DPY30: variants seen among roughly 807,000 people sequenced by gnomAD.
DPY30 encodes the protein protein dpy-30 homolog.
A neutral mutation model predicts 16.2 loss-of-function variants in DPY30; 6 were observed. That is an observed-to-expected ratio of 0.37 (90% CI 0.20 to 0.73). The LOEUF is 0.73. DPY30 is among the 30% of genes least tolerant of loss of function. The probability of loss-of-function intolerance (pLI) is 0.51; values close to 1 mark genes in which losing one functional copy is unlikely to be tolerated. For synonymous variants in DPY30, 39 were observed against 38.8 expected, an observed-to-expected ratio of 1.00 and a Z score of -0.02; for missense variants, 73 against 113.1, an observed-to-expected ratio of 0.65 and a Z score of 1.61.
At chr2:32,024,366 ACAGT>A (rs747940631) in intron 4 of DPY30, 110 bp from the exon 5 acceptor site, 327 of 788,252 alleles carry the variant, frequency 4.1e-4, no homozygotes, top group Non-Finnish European at 5.4e-4. Flanking sequence ...TTTTCATTTC[ACAGT>A]CAAAGGACAT....
At chr2:32,036,151 ATT>A (rs34624581) in intron 3 of DPY30, among the ~76,000 whole-genome samples, 3 of 148,240 alleles carry the variant, frequency 2.0e-5, no homozygotes, top group Non-Finnish European at 1.5e-5. Flanking sequence ...TACCCAGCTA[ATT>A]TTTTTTTTTA....
intron 3 of DPY30, among the ~76,000 whole-genome samples, chr2:32,037,678 C>A (rs1383793538): frequency 1.3e-5 from 2 of 151,964 alleles, no homozygotes; most frequent in Non-Finnish European, 2.9e-5. Context: ...CTGCCTCAGC[C>A]TCCTGAGTAG....
chr2:32,020,714 G>T (rs990424315), downstream of DPY30, among the ~76,000 whole-genome samples: 5 of 151,892 alleles, frequency 3.3e-5, no homozygotes, highest in East Asian at 1.9e-4. Context: ...ATTAAATAGG[G>T]ATAAATTTTT....
intron 3 of DPY30, among the ~76,000 whole-genome samples, chr2:32,033,607 G>T (rs1238241094): frequency 6.6e-6 from 1 of 152,196 alleles, no homozygotes; most frequent in Admixed American, 6.5e-5. Context: ...GGGAGGCGGA[G>T]GTTGCGGTGA....
At chr2:32,019,185 T>C (rs1236873339), downstream of DPY30, among the ~76,000 whole-genome samples, 3 of 152,148 alleles carry the variant, frequency 2.0e-5, no homozygotes. Context: ...CCTCTGCTTC[T>C]GGGTTCAAGC....
At position 32,014,168 on chromosome 2, in the gene DPY30, A is replaced by T. The variant is rs140359724; in HGVS notation, n.378-2116T>A. Reference sequence around the variant, plus strand: ...CCAATGTGAAACTTGTTAAACTAGGATATACATACGCACCCATTAAAAAGA... The same window carrying T: ...CCAATGTGAAACTTGTTAAACTAGGTTATACATACGCACCCATTAAAAAGA... On this transcript the variant is annotated intron_variant and non_coding_transcript_variant, in intron 5 of 5. Coordinates refer to the DPY30 transcript ENST00000414013. Among the ~76,000 whole-genome samples, 1,474 of 151,990 alleles carry T rather than the reference A, an allele frequency of 9.7e-3. 26 individuals carry two copies. The highest frequency in any genetic ancestry group is 0.048 in the South Asian group (230 of 4,802).
intron 4 of DPY30, among the ~76,000 whole-genome samples, chr2:32,028,077 A>C (rs1295591409): frequency 6.6e-6 from 1 of 151,896 alleles, no homozygotes; most frequent in African/African-American, 2.4e-5. Context: ...TTCTAAGTTA[A>C]TAACTCACTT....
chr2:32,016,976 G>A (rs1184356802), intron 5 of DPY30, among the ~76,000 whole-genome samples: 4 of 151,882 alleles, frequency 2.6e-5, no homozygotes, highest in African/African-American at 4.8e-5. Flanking sequence ...TCCGCCTCCC[G>A]GGTTCAAGCG....
At chr2:32,012,428 T>C (rs1448732112) in intron 5 of DPY30, among the ~76,000 whole-genome samples, 4 of 125,532 alleles carry the variant, frequency 3.2e-5, no homozygotes, top group Admixed American at 3.1e-4. Flanking sequence ...TCTTTTTTTT[T>C]TTTTTTTTTT....
chr2:32,019,820 CAAAAAA>C (rs1169379455), downstream of DPY30, among the ~76,000 whole-genome samples: 65 of 86,664 alleles, frequency 7.5e-4, no homozygotes, highest in African/African-American at 2.3e-3. Context: ...AACTCCGTCT[CAAAAAA>C]AAAAAAAAAA....
intron 5 of DPY30, among the ~76,000 whole-genome samples, chr2:32,015,347 CCT>C (rs1675044074): frequency 6.6e-6 from 1 of 152,026 alleles, no homozygotes; most frequent in Non-Finnish European, 1.5e-5. Context: ...CAACTTTGCC[CCT>C]GTCTACCTTA....
intron 3 of DPY30, among the ~76,000 whole-genome samples, chr2:32,032,671 G>C (rs1339107884): frequency 2.0e-5 from 3 of 152,154 alleles, no homozygotes; most frequent in Admixed American, 2.0e-4. Flanking sequence ...ACCAGCTTGA[G>C]CAACATAGTG....
chr2:32,035,936 G>GAAAAAA (rs762915217), intron 3 of DPY30, among the ~76,000 whole-genome samples: 16 of 49,416 alleles, frequency 3.2e-4, no homozygotes, highest in East Asian at 1.2e-3. Flanking sequence ...CAGTCTCGAA[G>GAAAAAA]AAAAAAAAAA....
rs1204830340 is a variant in DPY30 at position 32,029,708 on chromosome 2, G to A, written c.113C>T (p.Ala38Val). The A allele has an allele frequency of 6.2e-7, 1 of 1,614,022 alleles. No homozygotes were observed. The highest frequency in any genetic ancestry group is 1.1e-5 in the South Asian group (1 of 91,084). Residue 38 changes from alanine to valine, a missense_variant, in exon 4 of 5, where the codon GCA becomes GTA. Around this residue, in one of 3 missense-constraint regions of DPY30, gnomAD observed 52 missense variants for 71.5 expected, o/e 0.73. Coordinates refer to ENST00000342166, the MANE Select transcript of DPY30 (RefSeq NM_001321209.2). ...ERIVENEKIN[A>V]EKSSKQKVDL... The stretch of plus-strand genomic sequence containing the variant: ...TACCTTCTGCTTTGATGACTTTTCT[G>A]CATTAATCTTCTCATTTTCTACTAT...
intron 3 of DPY30, 112 bp downstream of exon 3, chr2:32,039,167 T>G: frequency 7.7e-7 from 1 of 1,303,410 alleles, no homozygotes; most frequent in Non-Finnish European, 1.1e-6. Flanking sequence ...ACTATTCAGT[T>G]CACGATAACA....
At position 32,027,401 on chromosome 2, in the gene DPY30, G is replaced by C. The variant is rs138900874; in HGVS notation, c.227+2193C>G. 8.2e-3 allele frequency among the ~76,000 whole-genome samples: 1,245 copies of C among 151,526 alleles called. 17 individuals are homozygous for C. Among genetic ancestry groups the C allele is most frequent in the Non-Finnish European group, 0.012 (839 of 67,918 alleles). On this transcript the variant is annotated intron_variant, in intron 4 of 4. Transcript: ENST00000342166. ...AAAAATTAGCTTTGTGTGCTGACAG[G>C]CACCTGTAATCCCAGCTACTCAGGA...
intron 4 of DPY30, among the ~76,000 whole-genome samples, chr2:32,025,742 A>G (rs1281683514): frequency 2.0e-5 from 3 of 151,154 alleles, no homozygotes; most frequent in East Asian, 1.9e-4. Flanking sequence ...AGCCTGCCGC[A>G]ACAGAACAAG....
At chr2:32,029,243 C>A (rs1258671290) in intron 4 of DPY30, among the ~76,000 whole-genome samples, 1 of 152,112 alleles carries the variant, frequency 6.6e-6, no homozygotes, top group Non-Finnish European at 1.5e-5. Context: ...CGTCCTCCAG[C>A]CTGGGCAACA....
rs148452562 is a variant in DPY30 at position 32,033,280 on chromosome 2, C to T, written c.85-3544G>A. Among the ~76,000 whole-genome samples the T allele has an allele frequency of 7.3e-3, 1,105 of 151,624 alleles. 16 individuals carry two copies. Among genetic ancestry groups the T allele is most frequent in the African/African-American group, 0.026 (1,069 of 41,310 alleles). ...CCGAGATCGCACCGTTGCACTCCAG[C>T]CTGGGTGACAGAGAAAGTCTCTGTC... On this transcript the variant is annotated intron_variant, in intron 3 of 4. Coordinates refer to ENST00000342166, the MANE Select transcript of DPY30 (RefSeq NM_001321209.2).
Sources: allele counts gnomAD v4.1 joint callset (sites outside exome capture counted in the v4.1 genomes callset), GRCh38; gene constraint gnomAD v4.1.1; regional missense constraint gnomAD v4.1.1; transcripts MANE v1.5; gene names NCBI Gene and HGNC (gene_info 2026-07-23, HGNC 2026-07-21).